FAT3: variants seen among roughly 807,000 people sequenced by gnomAD.
FAT3 encodes the protein protocadherin Fat 3.
In FAT3, 95 loss-of-function variants were observed where a neutral mutation model predicts 310.2. The observed-to-expected ratio is 0.31, with a 90% CI of 0.26 to 0.36. The LOEUF (loss-of-function observed/expected upper bound fraction) is 0.36, where lower values mean the gene tolerates loss of function less well. FAT3 is among the 10% of genes least tolerant of loss of function. The pLI is 1.00. For synonymous variants in FAT3, 2,314 were observed against 2,192.9 expected (o/e 1.06, Z -1.54); for missense variants, 5,408 against 5,715.6 (o/e 0.95, Z 1.74).
intron 2 of FAT3, among the ~76,000 whole-genome samples, chr11:92,397,543 A>G (rs1949901335): frequency 6.6e-6 from 1 of 152,140 alleles, no homozygotes; most frequent in African/African-American, 2.4e-5. Context: ...TGGATTGACT[A>G]AAACCTTTTC....
intron 4 of FAT3, among the ~76,000 whole-genome samples, chr11:92,701,456 C>T (rs1260497585): frequency 2.0e-5 from 3 of 152,180 alleles, no homozygotes; most frequent in Non-Finnish European, 2.9e-5. Context: ...CTTGCTAAAG[C>T]AACAAAAGCA....
chr11:92,646,455 T>C (rs1942171570), intron 3 of FAT3, among the ~76,000 whole-genome samples: 3 of 152,170 alleles, frequency 2.0e-5, no homozygotes, highest in Non-Finnish European at 1.5e-5. Context: ...CCAGATTCAA[T>C]GGGAGGATAA....
In FAT3 at chr11:92,352,338, T is replaced by A; in HGVS notation, c.226T>A (p.Ser76Thr). 6.3e-7 allele frequency: 1 copy of A among 1,578,286 alleles called. No individual in the cohort carries two copies. ...AATGGGCATCACCTTAATAGATCTA[T>A]CCTGGGATATCAAATACAGAATAGT... ...SRMGITLIDL[S>T]WDIKYRIVSG... The change falls in exon 2 of 28, where the codon TCC becomes ACC. Residue 76 changes from serine to threonine, a missense_variant. Physicochemically the swap from Ser to Thr is moderately conservative, Grantham distance 58. Transcript: ENST00000525166.
chr11:92,331,033 C>T (rs1947911562), intron 1 of FAT3, among the ~76,000 whole-genome samples: 1 of 147,144 alleles, frequency 6.8e-6, no homozygotes, highest in African/African-American at 2.5e-5. Flanking sequence ...ACATTTACAG[C>T]TTTTCAGATG....
intron 1 of FAT3, among the ~76,000 whole-genome samples, chr11:92,346,035 G>A (rs1458637778): frequency 2.6e-5 from 4 of 152,088 alleles, no homozygotes; most frequent in Non-Finnish European, 5.9e-5. Context: ...AGCTACAGTG[G>A]TTTGTATTTT....
intron 9 of FAT3, 132 bp from the exon 10 acceptor site, chr11:92,797,704 A>G: frequency 2.7e-6 from 2 of 737,858 alleles, no homozygotes; most frequent in Non-Finnish European, 4.4e-6. Flanking sequence ...TTATTTCAGA[A>G]TGACACAGAT....
intron 2 of FAT3, among the ~76,000 whole-genome samples, chr11:92,415,216 A>G (rs1950381928): frequency 6.6e-6 from 1 of 152,158 alleles, no homozygotes; most frequent in Admixed American, 6.5e-5. Flanking sequence ...TGTTCTCTTT[A>G]TAAGTTACAA....
Position 92,354,875 on chromosome 11 carries a change from T to C in FAT3, c.2763T>C (p.Thr921=). The stretch of plus-strand genomic sequence containing the variant: ...GTCAGCAGCTGTTTTCAGTTGTCAC[T>C]CTTAAAGTTTTTTTAGATGATGTCA... ...ESGQQLFSVV[T]LKVFLDDVND... The change falls in exon 2 of 28, where the codon ACT becomes ACC. Residue 921 remains threonine, a synonymous_variant. Coordinates refer to ENST00000525166, the MANE Select transcript of FAT3 (RefSeq NM_001367949.2). The C allele has an allele frequency of 6.2e-7, 1 of 1,613,842 alleles. No homozygotes were observed. The highest frequency in any genetic ancestry group is 2.2e-5 in the East Asian group (1 of 44,870).
intron 2 of FAT3, among the ~76,000 whole-genome samples, chr11:92,391,433 A>G (rs1027450038): frequency 3.3e-5 from 5 of 152,144 alleles, no homozygotes; most frequent in Non-Finnish European, 5.9e-5. Flanking sequence ...ATGAGTGTCA[A>G]TCACCCCTAA....
Position 92,800,238 on chromosome 11 carries a change from C to A in FAT3, c.7225C>A (p.Arg2409=). 6.2e-7 allele frequency: 1 copy of A among 1,613,968 alleles called. No homozygotes were observed. The highest frequency in any genetic ancestry group is 8.5e-7 in the Non-Finnish European group (1 of 1,179,862). Reference sequence around the variant, plus strand: ...GTCATATGTGAGTGAATTAGCCCCCCGGGGCCATTTTGTAACCTGTGTACA... The same window carrying A: ...GTCATATGTGAGTGAATTAGCCCCCAGGGGCCATTTTGTAACCTGTGTACA... ...YESYVSELAP[R]GHFVTCVQAS... The change falls in exon 10 of 28, where the codon CGG becomes AGG. Residue 2409 remains arginine (R), a synonymous_variant. Transcript: ENST00000525166.
intron 2 of FAT3, among the ~76,000 whole-genome samples, chr11:92,487,941 A>G (rs1008475224): frequency 1.3e-5 from 2 of 152,216 alleles, no homozygotes; most frequent in African/African-American, 4.8e-5. Flanking sequence ...CTTGGTGTGC[A>G]CACCTTGGTA....
chr11:92,602,025 T>C (rs1368503374), intron 3 of FAT3, among the ~76,000 whole-genome samples: 1 of 152,126 alleles, frequency 6.6e-6, no homozygotes, highest in Non-Finnish European at 1.5e-5. Context: ...TTATTGATTT[T>C]ACATTGTGGG....
In FAT3 at chr11:92,372,399, A is replaced by C. The variant is rs78980488; in HGVS notation, c.3292+16995A>C. Among the ~76,000 whole-genome samples, 295 of 152,056 alleles carry C rather than the reference A, an allele frequency of 1.9e-3. 3 individuals carry two copies. Among genetic ancestry groups the C allele is most frequent in the African/African-American group, 6.4e-3 (264 of 41,460 alleles). ...CGGTGTTGCACAAACTGGACCTGGA[A>C]AGAGAATTGTAATGCACTTTGGAAA... is the stretch of plus-strand genomic sequence containing the variant. On this transcript the variant is annotated intron_variant, in intron 2 of 27. Coordinates refer to ENST00000525166, the MANE Select transcript of FAT3 (RefSeq NM_001367949.2).
intron 1 of FAT3, among the ~76,000 whole-genome samples, chr11:92,331,903 G>T (rs966894662): frequency 2.0e-5 from 3 of 152,162 alleles, no homozygotes; most frequent in Non-Finnish European, 4.4e-5. Context: ...TGACTAAAGG[G>T]CCATGATGTT....
intron 1 of FAT3, among the ~76,000 whole-genome samples, chr11:92,291,815 G>A (rs1177790952): frequency 1.3e-5 from 2 of 152,018 alleles, no homozygotes; most frequent in African/African-American, 4.8e-5. Flanking sequence ...TATTGCCCTG[G>A]ATCTTTGTGT....
At chr11:92,722,048 C>G (rs1263634347) in intron 4 of FAT3, among the ~76,000 whole-genome samples, 4 of 151,962 alleles carry the variant, frequency 2.6e-5, no homozygotes, top group Admixed American at 2.6e-4. Context: ...TCTCACATTT[C>G]AAAACCAATT....
At position 92,798,490 on chromosome 11, in the gene FAT3, T is replaced by C. The variant is rs1407007827; in HGVS notation, c.5477T>C (p.Val1826Ala). The C allele has an allele frequency of 4.3e-6, 7 of 1,613,700 alleles. No homozygotes were observed. The highest frequency in any genetic ancestry group is 1.1e-5 in the South Asian group (1 of 91,038). ...VESTAKKFFT[V>A]DSSTGAIRTI... ...TCAACAGCAAAAAAGTTTTTCACGGTGGACTCCAGTACAGGTGCAATCAGA... is the reference window on the plus strand; with the variant it reads ...TCAACAGCAAAAAAGTTTTTCACGGCGGACTCCAGTACAGGTGCAATCAGA... The change falls in exon 10 of 28, where the codon GTG becomes GCG. Residue 1826 changes from valine (V) to alanine (A), a missense_variant. Physicochemically the swap from Val to Ala is moderately conservative, Grantham distance 64 (BLOSUM62 0). This residue lies in a region of FAT3 where 4,588 missense variants were observed against 4,809.8 expected (regional missense o/e 0.95). Coordinates refer to ENST00000525166, the MANE Select transcript of FAT3 (RefSeq NM_001367949.2).
At chr11:92,465,865 TA>T (rs1245179166) in intron 2 of FAT3, among the ~76,000 whole-genome samples, 6 of 152,034 alleles carry the variant, frequency 3.9e-5, no homozygotes, top group Admixed American at 6.6e-5. Context: ...AAAATGCCTT[TA>T]AAAGTTAATT....
At chr11:92,557,491 T>A (rs938477856) in intron 3 of FAT3, among the ~76,000 whole-genome samples, 4 of 152,178 alleles carry the variant, frequency 2.6e-5, no homozygotes, top group African/African-American at 7.2e-5. Context: ...ATGTCCCCAC[T>A]GCTGTGACCA....
Sources: allele counts gnomAD v4.1 joint callset (sites outside exome capture counted in the v4.1 genomes callset), GRCh38; gene constraint gnomAD v4.1.1; regional missense constraint gnomAD v4.1.1; transcripts MANE v1.5; gene names NCBI Gene and HGNC (gene_info 2026-07-23, HGNC 2026-07-21).